The following TMTC4 variants were observed in gnomAD, a reference collection of about 807,000 sequenced individuals.
TMTC4 encodes protein O-mannosyl-transferase TMTC4.
In TMTC4, 65 loss-of-function variants were observed where a neutral mutation model predicts 86.0. That is an observed-to-expected ratio of 0.76 (90% CI 0.62 to 0.93). TMTC4 has a LOEUF of 0.93. TMTC4 is among the 40% of genes least tolerant of loss of function. The pLI is 0.00. For synonymous variants in TMTC4, 379 were observed against 382.5 expected (o/e 0.99, Z 0.11); for missense variants, 866 against 948.1 (o/e 0.91, Z 1.14).
chr13:100,607,335 G>C (rs1003008218), intron 17 of TMTC4, among the ~76,000 whole-genome samples: 1 of 152,094 alleles, frequency 6.6e-6, no homozygotes, highest in African/African-American at 2.4e-5. Flanking sequence ...TGGCCAACAT[G>C]GTGAAAACCC....
rs1884026984 is a variant in TMTC4, at chr13:100,648,493, G to A, written c.641-6182C>T. Among the ~76,000 whole-genome samples the A allele has an allele frequency of 2.0e-5, 3 of 152,066 alleles. No homozygotes were observed. In the South Asian group the frequency reaches 6.2e-4, roughly 32 times the overall value. On this transcript the variant is annotated intron_variant, in intron 6 of 18. Transcript: ENST00000342624. ...TTTCAATGCCACATATGGCTCCTGT[G>A]GTATTTCGATTGCATGGCAGTGTCT...
rs149664353 is a variant in TMTC4, at chr13:100,625,658, C to G, written c.1713G>C (p.Ala571=). 6.2e-7 allele frequency: 1 copy of G among 1,614,094 alleles called. No individual in the cohort carries two copies. The highest frequency in any genetic ancestry group is 1.7e-5 in the Admixed American group (1 of 60,004). The change falls in exon 15 of 19, where the codon GCG becomes GCC. Residue 571 remains alanine, a synonymous_variant. Coordinates refer to ENST00000342624, the MANE Select transcript of TMTC4 (RefSeq NM_032813.5). ...AVQIQPDFAA[A]WMNLGIVQNS... ...TCTGCACTATGCCTAGATTCATCCA[C>G]GCAGCGGCAAAGTCTGGCCTAGAGG...
chr13:100,651,640 A>G (rs755942107), intron 6 of TMTC4, among the ~76,000 whole-genome samples: 3 of 152,164 alleles, frequency 2.0e-5, no homozygotes, highest in Non-Finnish European at 4.4e-5. Flanking sequence ...TTTATAATAA[A>G]GACGTCCCAT....
intron 3 of TMTC4, 163 bp downstream of exon 3, chr13:100,668,416 A>G (rs1886656461): frequency 1.4e-6 from 1 of 718,148 alleles, no homozygotes; most frequent in Non-Finnish European, 2.3e-6. Context: ...AAGGCACTAA[A>G]TCATGGAGGC....
At chr13:100,660,198 G>A (rs1885595589) in intron 5 of TMTC4, among the ~76,000 whole-genome samples, 1 of 151,592 alleles carries the variant, frequency 6.6e-6, no homozygotes, top group African/African-American at 2.4e-5. Flanking sequence ...GGATGTGGTG[G>A]TGCACGCCTG....
chr13:100,611,662 T>G (rs970420108), intron 17 of TMTC4, among the ~76,000 whole-genome samples: 1 of 152,212 alleles, frequency 6.6e-6, no homozygotes, highest in Non-Finnish European at 1.5e-5. Flanking sequence ...AGCCAATCCC[T>G]TCTGGGGAGA....
chr13:100,674,083 T>G, intron 1 of TMTC4: 4 of 984,742 alleles, frequency 4.1e-6, no homozygotes, highest in Non-Finnish European at 4.8e-6. Flanking sequence ...CCCCGCAGAG[T>G]TCGCAGGAGG....
rs1296569630 is a variant in TMTC4, at chr13:100,632,053, A to ACACACTCTCTCT, written c.1506+2751_1506+2752insAGAGAGAGTGTG. Among the ~76,000 whole-genome samples, 155 of 43,116 alleles carry ACACACTCTCTCT rather than the reference A, an allele frequency of 3.6e-3. 3 individuals carry two copies. Among genetic ancestry groups the ACACACTCTCTCT allele is most frequent in the Non-Finnish European group, 5.3e-3 (111 of 21,138 alleles). The allele number at this position is 43,116 out of a possible 152,430, so 28.3% of individuals were successfully genotyped here. A position where few individuals can be genotyped will look rare whatever the true frequency, so the allele number is the denominator to read the frequency against. ...CACACACACACACACACACACACAC[A>ACACACTCTCTCT]CTCTCTCTCTCTCTCTCTCTCTCTC... On this transcript the variant is annotated intron_variant, in intron 12 of 18. Transcript: ENST00000342624.
intron 10 of TMTC4, among the ~76,000 whole-genome samples, chr13:100,635,445 C>T (rs1339651885): frequency 6.6e-6 from 1 of 152,088 alleles, no homozygotes; most frequent in Non-Finnish European, 1.5e-5. Context: ...CCATACAATT[C>T]GTATGGAGAA....
rs544909426 is a variant in TMTC4, at chr13:100,663,078, C to T, written c.438G>A (p.Ser146=). 7.5e-5 allele frequency: 121 copies of T among 1,614,192 alleles called. No homozygotes were observed. The highest frequency in any genetic ancestry group is 1.6e-4 in the Middle Eastern group (1 of 6,062). Residue 146 remains serine (S), a synonymous_variant, in exon 5 of 19, where the codon TCG becomes TCA. Coordinates refer to ENST00000342624, the MANE Select transcript of TMTC4 (RefSeq NM_032813.5). The stretch of plus-strand genomic sequence containing the variant: ...TGTACTGCAGGCCGCCAAACAGAAC[C>T]GAGAAGACGTCCACCATGAGGACAG... ...GISVLMVDVF[S]VLFGGLQYTS... is the part of the protein sequence containing the mutation.
chr13:100,619,069 G>A (rs547710033), intron 15 of TMTC4, among the ~76,000 whole-genome samples: 54 of 152,018 alleles, frequency 3.6e-4, no homozygotes, highest in Admixed American at 1.5e-3. Flanking sequence ...AGGGGCGGCC[G>A]GGCAGAGGCG....
intron 16 of TMTC4, among the ~76,000 whole-genome samples, 182 bp from the exon 17 acceptor site, chr13:100,612,692 CACG>C (rs1472193246): frequency 7.0e-6 from 1 of 142,688 alleles, no homozygotes; most frequent in Non-Finnish European, 1.6e-5. Context: ...CACACACACA[CACG>C]ACGTTATCAG....
chr13:100,619,732 T>A (rs1046173686), intron 15 of TMTC4, among the ~76,000 whole-genome samples: 2 of 152,332 alleles, frequency 1.3e-5, no homozygotes, highest in South Asian at 4.2e-4. Context: ...GAGGAAATGA[T>A]AGGAAAAGTT....
chr13:100,653,305 C>A (rs1884676765), intron 6 of TMTC4, among the ~76,000 whole-genome samples: 1 of 152,166 alleles, frequency 6.6e-6, no homozygotes, highest in Non-Finnish European at 1.5e-5. Context: ...CTAGGAGAGG[C>A]TCCAGCAGAC....
chr13:100,662,902 G>A (rs965195708), intron 5 of TMTC4, 62 bp downstream of exon 5: 20 of 1,578,504 alleles, frequency 1.3e-5, no homozygotes, highest in South Asian at 9.1e-5. Flanking sequence ...GAAACCAGGC[G>A]ACATGGGGGT....
chr13:100,665,130 G>A (rs1350897545), intron 3 of TMTC4, among the ~76,000 whole-genome samples: 4 of 151,932 alleles, frequency 2.6e-5, no homozygotes, highest in Admixed American at 1.3e-4. Flanking sequence ...ACACTGTACC[G>A]CTCTTACTGC....
chr13:100,626,374 A>G (rs1316925882), intron 12 of TMTC4, among the ~76,000 whole-genome samples: 1 of 152,238 alleles, frequency 6.6e-6, no homozygotes, highest in African/African-American at 2.4e-5. Context: ...ATACATCTCT[A>G]AAGCACAACA....
At chr13:100,644,678 A>C (rs1883487402) in intron 6 of TMTC4, among the ~76,000 whole-genome samples, 1 of 152,216 alleles carries the variant, frequency 6.6e-6, no homozygotes, top group Non-Finnish European at 1.5e-5. Flanking sequence ...AAATACAAAC[A>C]AATGGAATAG....
chr13:100,634,861 G>A lies in TMTC4; in HGVS notation c.1450C>T (p.Arg484Trp). ...LRCVLRSGEWRSEEQLFRSAL... is the reference protein window; with the variant it reads ...LRCVLRSGEWWSEEQLFRSAL... ...CTTCTGAAAAGCTGTTCCTCACTCC[G>A]CCACTCGCCGCTGCGCAGCACACAT... is the stretch of plus-strand genomic sequence containing the variant. Residue 484 changes from arginine (R) to tryptophan (W), a missense_variant, in exon 12 of 19, where the codon CGG becomes TGG. Arg to Trp is a moderately radical substitution (Grantham distance 101). Transcript: ENST00000342624. 7 of 1,614,138 alleles carry A rather than the reference G, an allele frequency of 4.3e-6. No homozygotes were observed. The highest frequency in any genetic ancestry group is 1.6e-4 in the Middle Eastern group (1 of 6,062).
Sources: allele counts gnomAD v4.1 joint callset (sites outside exome capture counted in the v4.1 genomes callset), GRCh38; gene constraint gnomAD v4.1.1; transcripts MANE v1.5; gene names NCBI Gene and HGNC (gene_info 2026-07-23, HGNC 2026-07-21).